The following CDK6 variants were observed in gnomAD, a reference collection of about 807,000 sequenced individuals.
CDK6 encodes cyclin-dependent kinase 6.
A neutral mutation model predicts 37.1 loss-of-function variants in CDK6; 6 were observed. The ratio of observed to expected loss-of-function variants is 0.16; its 90% CI spans 0.09 to 0.32. The LOEUF is 0.32. CDK6 is among the 10% of genes least tolerant of loss of function. The pLI, the probability that CDK6 is intolerant of heterozygous loss-of-function variation, is 1.00. For synonymous variants in CDK6, 160 were observed against 161.3 expected, an observed-to-expected ratio of 0.99 and a Z score of 0.06; for missense variants, 224 against 418.9, an observed-to-expected ratio of 0.53 and a Z score of 4.06.
chr7:92,799,556 G>C (rs1800515257), intron 2 of CDK6, among the ~76,000 whole-genome samples: 2 of 151,346 alleles, frequency 1.3e-5, no homozygotes, highest in Non-Finnish European at 1.5e-5. Flanking sequence ...TAATATACAG[G>C]GTCCTATTTG....
At chr7:92,741,664 T>C (rs899671431) in intron 3 of CDK6, among the ~76,000 whole-genome samples, 1 of 152,186 alleles carries the variant, frequency 6.6e-6, no homozygotes, top group Non-Finnish European at 1.5e-5. Context: ...AACCCTACTT[T>C]TTAAGTTAGT....
At chr7:92,672,158 T>TATATATATATATAC (rs1254710727) in intron 4 of CDK6, among the ~76,000 whole-genome samples, 2 of 102,732 alleles carry the variant, frequency 1.9e-5, no homozygotes, top group African/African-American at 8.3e-5. Context: ...TATATATATA[T>TATATATATATATAC]ATACACATAC....
intron 2 of CDK6, among the ~76,000 whole-genome samples, chr7:92,812,816 T>C (rs1319741313): frequency 1.3e-5 from 2 of 152,210 alleles, no homozygotes; most frequent in African/African-American, 4.8e-5. Context: ...AGTTTGTTCA[T>C]GGTTTACCGT....
chr7:92,619,584 T>C (rs563905660), intron 6 of CDK6, among the ~76,000 whole-genome samples: 174 of 151,804 alleles, frequency 1.1e-3, no homozygotes, highest in African/African-American at 4.1e-3. Flanking sequence ...TGAATGTACT[T>C]CCAGATTTCA....
intron 4 of CDK6, among the ~76,000 whole-genome samples, chr7:92,700,677 C>T (rs1013069343): frequency 9.2e-5 from 14 of 152,136 alleles, no homozygotes; most frequent in South Asian, 4.1e-4. Context: ...ACCTCCACAG[C>T]GGAGGAGACT....
At chr7:92,629,460 C>T (rs1731408670) in intron 5 of CDK6, among the ~76,000 whole-genome samples, 2 of 152,034 alleles carry the variant, frequency 1.3e-5, no homozygotes, top group South Asian at 4.1e-4. Context: ...CATTTTTCAA[C>T]TCAAAATTGA....
chr7:92,674,804 T>C (rs565669805), intron 4 of CDK6, among the ~76,000 whole-genome samples: 2 of 152,346 alleles, frequency 1.3e-5, no homozygotes, highest in South Asian at 4.1e-4. Context: ...TACAGCCTTA[T>C]TTTAAGCTGT....
chr7:92,718,312 G>A (rs1018259307), intron 4 of CDK6, among the ~76,000 whole-genome samples: 3 of 152,124 alleles, frequency 2.0e-5, no homozygotes, highest in Non-Finnish European at 2.9e-5. Context: ...AGGCGACGGG[G>A]CTTTGGGTTT....
intron 2 of CDK6, among the ~76,000 whole-genome samples, chr7:92,815,139 A>G (rs1800995230): frequency 6.6e-6 from 1 of 152,216 alleles, no homozygotes; most frequent in South Asian, 2.1e-4. Context: ...ATGTCTGTAT[A>G]TAGGGTAACT....
chr7:92,826,012 G>A (rs1369019894), intron 2 of CDK6, among the ~76,000 whole-genome samples: 1 of 152,064 alleles, frequency 6.6e-6, no homozygotes, highest in East Asian at 1.9e-4. Context: ...ATCCCAATAA[G>A]TGTAATCCAA....
At chr7:92,617,868 A>C (rs539397530) in intron 7 of CDK6, among the ~76,000 whole-genome samples, 1 of 152,360 alleles carries the variant, frequency 6.6e-6, no homozygotes, top group Non-Finnish European at 1.5e-5. Flanking sequence ...TGGATCAGAA[A>C]GACATTCCAG....
intron 5 of CDK6, among the ~76,000 whole-genome samples, chr7:92,658,236 G>A (rs7781539): frequency 6.6e-6 from 1 of 152,276 alleles, no homozygotes; most frequent in South Asian, 2.1e-4. Context: ...ATTTGACCCT[G>A]TAATTTCACT....
chr7:92,787,872 C>T (rs1800185917), intron 2 of CDK6, among the ~76,000 whole-genome samples: 1 of 151,706 alleles, frequency 6.6e-6, no homozygotes, highest in African/African-American at 2.4e-5. Flanking sequence ...GTGCAAGCAA[C>T]CAAAATAAAG....
intron 4 of CDK6, among the ~76,000 whole-genome samples, chr7:92,692,980 G>T (rs1797630554): frequency 6.6e-6 from 1 of 152,032 alleles, no homozygotes; most frequent in South Asian, 2.1e-4. Flanking sequence ...TTTCATCTCT[G>T]GTACATCCAC....
At chr7:92,642,921 G>A (rs1341620587) in intron 5 of CDK6, among the ~76,000 whole-genome samples, 1 of 150,692 alleles carries the variant, frequency 6.6e-6, no homozygotes, top group East Asian at 1.9e-4. Flanking sequence ...TTGAGACAGG[G>A]TCTACCTCTG....
chr7:92,675,548 C>G (rs1217411682), intron 4 of CDK6, among the ~76,000 whole-genome samples: 5 of 152,126 alleles, frequency 3.3e-5, no homozygotes, highest in African/African-American at 1.2e-4. Context: ...GACTTATATT[C>G]ATAAATGAGG....
chr7:92,771,888 T>G (rs1481574292), intron 3 of CDK6, among the ~76,000 whole-genome samples: 1 of 152,238 alleles, frequency 6.6e-6, no homozygotes, highest in Non-Finnish European at 1.5e-5. Context: ...AACAAAATAT[T>G]TCTGTTCTCT....
intron 5 of CDK6, among the ~76,000 whole-genome samples, chr7:92,626,715 T>C (rs1359326260): frequency 6.6e-6 from 1 of 151,974 alleles, no homozygotes; most frequent in African/African-American, 2.4e-5. Flanking sequence ...CAAAGACATT[T>C]AGAAGAAGAT....
rs529487894 is a variant in CDK6, at chr7:92,817,925, T to C, written c.233+15166A>G. On this transcript the variant is annotated intron_variant, in intron 2 of 7. Transcript: ENST00000424848. ...ATGCAAAGAGATAAATTTAATAAAA[T>C]GCAAGCAAGGGCATTACACTAAAAG... Among the ~76,000 whole-genome samples, 25 of 151,978 alleles carry C rather than the reference T, an allele frequency of 1.6e-4. No individual in the cohort carries two copies. The South Asian group carries it at 4.8e-3, about 29-fold the overall frequency.
Sources: gnomAD v4.1 joint callset for allele counts (sites outside exome capture counted in the v4.1 genomes callset) on GRCh38, gnomAD v4.1.1 for gene constraint, MANE v1.5 for transcripts, NCBI Gene and HGNC (gene_info 2026-07-23, HGNC 2026-07-21) for gene names.